Variants in ZNF217 observed in about 807,000 individuals in gnomAD.
ZNF217 encodes zinc finger protein 217.
ZNF217 carries 12 observed loss-of-function variants against 73.3 expected under a neutral mutation model. The observed-to-expected ratio is 0.16, with a 90% CI of 0.10 to 0.27. The LOEUF (loss-of-function observed/expected upper bound fraction) is 0.27. Ranked by LOEUF, ZNF217 falls within the 10% of genes least tolerant of loss-of-function variation. The pLI is 1.00. For synonymous variants in ZNF217, 588 were observed against 516.4 expected, an observed-to-expected ratio of 1.14 and a Z score of -1.88; for missense variants, 1,195 against 1,327.8, an observed-to-expected ratio of 0.90 and a Z score of 1.55.
chr20:53,584,958 T>A (rs1988637613), intron 1 of ZNF217, among the ~76,000 whole-genome samples: 1 of 152,040 alleles, frequency 6.6e-6, no homozygotes, highest in Non-Finnish European at 1.5e-5. Flanking sequence ...CTCATTTATT[T>A]GAGGTCCTTC....
upstream of ZNF217, among the ~76,000 whole-genome samples, chr20:53,594,902 TTTAA>T (rs1453390974): frequency 6.6e-6 from 1 of 152,096 alleles, no homozygotes; most frequent in Non-Finnish European, 1.5e-5. Flanking sequence ...CAGAAAGCTA[TTTAA>T]TTGTTGTGAT....
At position 53,581,009 on chromosome 20, in the gene ZNF217, TG is replaced by T. The variant is rs1988460171; in HGVS notation, c.1366+451del. On this transcript the variant is annotated intron_variant, in intron 2 of 5. Coordinates refer to ENST00000371471, the MANE Select transcript of ZNF217 (RefSeq NM_006526.3). The surrounding 1 kb of genome is among the most constrained non-coding windows in gnomAD (Gnocchi z 4.9). The stretch of plus-strand genomic sequence containing the variant: ...GGCTGTCCTGTGCACTGTACCATGC[TG>T]AGCAGTGTCCCTGGCCTCTGCCCAC... Among the ~76,000 whole-genome samples the T allele has an allele frequency of 6.6e-6, 1 of 152,174 alleles. No individual in the cohort carries two copies. Among genetic ancestry groups the T allele is most frequent in the South Asian group, 2.1e-4 (1 of 4,830 alleles).
chr20:53,585,984 G>A (rs1988679246), intron 1 of ZNF217, among the ~76,000 whole-genome samples: 2 of 152,098 alleles, frequency 1.3e-5, no homozygotes, highest in African/African-American at 4.8e-5. Flanking sequence ...GCAATCCTTA[G>A]GCACCCCAAA....
rs956060354 is a variant in ZNF217 at position 53,581,204 on chromosome 20, C to T, written c.1366+257G>A. Among the ~76,000 whole-genome samples the T allele has an allele frequency of 6.6e-6, 1 of 151,904 alleles. No individual in the cohort carries two copies. The stretch of plus-strand genomic sequence containing the variant: ...TGTGTTTTGTGAGCAAAACGATACA[C>T]GTTTAAAAAATATATATATATTTTC... On this transcript the variant is annotated intron_variant, in intron 2 of 5. Coordinates refer to ENST00000371471, the MANE Select transcript of ZNF217 (RefSeq NM_006526.3). This position sits in a 1 kb window ranked among gnomAD's most constrained non-coding sequence, Gnocchi z 4.9.
rs2145911750 is a variant in ZNF217, at chr20:53,567,746, G to A, written c.*1542C>T. The A allele has an allele frequency of 6.6e-6, 1 of 152,636 alleles. No homozygotes were observed. Among genetic ancestry groups the A allele is most frequent in the African/African-American group, 2.4e-5 (1 of 41,536 alleles). The allele number at this position is 152,636 out of a possible 1,614,324, so 9.5% of individuals were successfully genotyped here. A position where few individuals can be genotyped will look rare whatever the true frequency, so the allele number is the denominator to read the frequency against. ...CTGATACAAAGCACTTCATTGCAATGCCAACAGACTGATCTCAAATGAGTT... is the reference window on the plus strand; with the variant it reads ...CTGATACAAAGCACTTCATTGCAATACCAACAGACTGATCTCAAATGAGTT... On this transcript the variant is annotated 3_prime_UTR_variant, in exon 6 of 6. Coordinates refer to ENST00000371471, the MANE Select transcript of ZNF217 (RefSeq NM_006526.3).
chr20:53,585,419 G>C (rs1198880934), intron 1 of ZNF217, among the ~76,000 whole-genome samples: 4 of 152,058 alleles, frequency 2.6e-5, no homozygotes, highest in Non-Finnish European at 5.9e-5. Flanking sequence ...AATTAGCTGG[G>C]CATGGTAATA....
chr20:53,578,477 A>G (rs1238335507), intron 2 of ZNF217, 27 bp from the exon 3 acceptor site: 2 of 1,433,884 alleles, frequency 1.4e-6, no homozygotes, highest in Non-Finnish European at 1.9e-6. Flanking sequence ...AAATATTTAT[A>G]TAAGAAGGTA....
intron 1 of ZNF217, among the ~76,000 whole-genome samples, chr20:53,588,980 CTG>C (rs894027211): frequency 2.0e-5 from 3 of 152,204 alleles, no homozygotes; most frequent in African/African-American, 7.2e-5. Flanking sequence ...TTCAGTATAA[CTG>C]AGATGCTTTG....
chr20:53,593,081 C>T (rs1213581951), intron 1 of ZNF217, among the ~76,000 whole-genome samples: 1 of 151,962 alleles, frequency 6.6e-6, no homozygotes, highest in African/African-American at 2.4e-5. Flanking sequence ...CAGCCCCGTG[C>T]ATCCCTGTTC....
intron 1 of ZNF217, among the ~76,000 whole-genome samples, chr20:53,583,957 G>A (rs1284680373): frequency 6.6e-6 from 1 of 152,222 alleles, no homozygotes; most frequent in Non-Finnish European, 1.5e-5. Flanking sequence ...CTTTGTGAAT[G>A]TATAGATTTA....
At position 53,582,554 on chromosome 20, in the gene ZNF217, G is replaced by A. The variant is rs758296076; in HGVS notation, c.273C>T (p.Thr91=). ...NKHVLMQHRP[T]LCEPAVLRVE... ...CCCGAAGAACTGCTGGTTCACAGAG[G>A]GTAGGCCGGTGTTGCATTAAGACAT... Residue 91 remains threonine (T), a synonymous_variant, in exon 2 of 6, where the codon ACC becomes ACT. Transcript: ENST00000371471. The surrounding 1 kb of genome is among the most constrained non-coding windows in gnomAD (Gnocchi z 4.8). 8.7e-6 allele frequency: 14 copies of A among 1,614,076 alleles called. No individual in the cohort carries two copies. The highest frequency in any genetic ancestry group is 1.0e-5 in the Non-Finnish European group (12 of 1,180,050).
upstream of ZNF217, among the ~76,000 whole-genome samples, chr20:53,594,875 T>G (rs1182436104): frequency 6.6e-6 from 1 of 152,148 alleles, no homozygotes; most frequent in African/African-American, 2.4e-5. Context: ...GATAAACAGT[T>G]TTTAAATGAG....
In ZNF217 at chr20:53,567,188, TAAAATA is replaced by T. The variant is rs1322055887; in HGVS notation, c.*2094_*2099del. Reference sequence around the variant, plus strand: ...GTTCGACAACTTAAGTATCAACAATTAAAATAAATCAAACTGGAATGAAATAAATAC... The same window carrying T: ...GTTCGACAACTTAAGTATCAACAATTAATCAAACTGGAATGAAATAAATAC... On this transcript the variant is annotated 3_prime_UTR_variant, in exon 6 of 6. Coordinates refer to ENST00000371471, the MANE Select transcript of ZNF217 (RefSeq NM_006526.3). 2.0e-5 allele frequency: 3 copies of T among 152,002 alleles called. No homozygotes were observed. Among genetic ancestry groups the T allele is most frequent in the African/African-American group, 7.3e-5 (3 of 41,078 alleles). 9.4% of individuals were successfully genotyped at this position (152,002 alleles called of 1,614,324 possible). A position where few individuals can be genotyped will look rare whatever the true frequency, so the allele number is the denominator to read the frequency against.
chr20:53,573,781 C>T (rs1246710139), intron 4 of ZNF217, among the ~76,000 whole-genome samples: 1 of 152,150 alleles, frequency 6.6e-6, no homozygotes, highest in South Asian at 2.1e-4. Context: ...TTTAAATCAT[C>T]TCTACACTGC....
At chr20:53,578,739 CAT>C (rs1988377841) in intron 2 of ZNF217, among the ~76,000 whole-genome samples, 5 of 152,300 alleles carry the variant, frequency 3.3e-5, no homozygotes, top group Middle Eastern at 3.4e-3. Flanking sequence ...AAGATCATTT[CAT>C]AGACTGAATT....
chr20:53,586,363 C>T (rs996653692), intron 1 of ZNF217, among the ~76,000 whole-genome samples: 4 of 152,114 alleles, frequency 2.6e-5, no homozygotes, highest in African/African-American at 9.7e-5. Context: ...TCAGCGACTG[C>T]CATCTAATTG....
chr20:53,571,690 T>C, intron 5 of ZNF217, 31 bp downstream of exon 5: 1 of 1,597,326 alleles, frequency 6.3e-7, no homozygotes. Flanking sequence ...ACTCAGCCAA[T>C]CCAGTGTTTT....
At chr20:53,592,862 A>G (rs1428808784) in intron 1 of ZNF217, among the ~76,000 whole-genome samples, 1 of 151,652 alleles carries the variant, frequency 6.6e-6, no homozygotes, top group Non-Finnish European at 1.5e-5. Flanking sequence ...GAAAAGAAAA[A>G]AAAAAGCAGC....
At chr20:53,583,379 C>T (rs1307237366) in intron 1 of ZNF217, among the ~76,000 whole-genome samples, 1 of 152,182 alleles carries the variant, frequency 6.6e-6, no homozygotes, top group Non-Finnish European at 1.5e-5. Flanking sequence ...ATCAGAATTT[C>T]ATCCAGTTAA....
Sources: allele counts gnomAD v4.1 joint callset (sites outside exome capture counted in the v4.1 genomes callset), GRCh38; gene constraint gnomAD v4.1.1; non-coding constraint Gnocchi (gnomAD v3.1); transcripts MANE v1.5; gene names NCBI Gene and HGNC (gene_info 2026-07-23, HGNC 2026-07-21).